Variants in ASH1L observed in about 807,000 individuals in gnomAD.
The protein encoded by ASH1L is ASH1 like histone lysine methyltransferase.
In ASH1L, 23 loss-of-function variants were observed where a neutral mutation model predicts 269.0. The ratio of observed to expected loss-of-function variants is 0.09; its 90% CI spans 0.06 to 0.12. ASH1L has a LOEUF of 0.12. Ranked by LOEUF, ASH1L falls within the 10% of genes least tolerant of loss-of-function variation. The pLI, the probability that ASH1L is intolerant of heterozygous loss-of-function variation, is 1.00. For synonymous variants in ASH1L, 1,187 were observed against 1,253.5 expected (o/e 0.95, Z 1.12); for missense variants, 2,912 against 3,567.8 (o/e 0.82, Z 4.68).
intron 3 of ASH1L, among the ~76,000 whole-genome samples, chr1:155,477,583 T>G (rs1250295177): frequency 2.0e-5 from 3 of 152,156 alleles, no homozygotes; most frequent in African/African-American, 7.2e-5. Flanking sequence ...CCATTTGTCT[T>G]TATAAAAATT....
intron 2 of ASH1L, among the ~76,000 whole-genome samples, chr1:155,487,890 C>CTT (rs755016145): frequency 2.1e-5 from 3 of 142,838 alleles, no homozygotes; most frequent in Non-Finnish European, 3.1e-5. Flanking sequence ...TGGTTTTTCA[C>CTT]TTTTTTTTTT....
intron 6 of ASH1L, among the ~76,000 whole-genome samples, chr1:155,402,043 T>C (rs1658902923): frequency 6.6e-6 from 1 of 151,660 alleles, no homozygotes; most frequent in Admixed American, 6.6e-5. Context: ...TGAGCCAAGG[T>C]TGCACCACTG....
intron 15 of ASH1L, among the ~76,000 whole-genome samples, chr1:155,356,919 T>C (rs1654445746): frequency 7.2e-6 from 1 of 139,398 alleles, no homozygotes; most frequent in African/African-American, 2.8e-5. Flanking sequence ...TGAGACCTTG[T>C]CTCTACAAAA....
At chr1:155,513,388 G>A (rs1036981472) in intron 2 of ASH1L, among the ~76,000 whole-genome samples, 3 of 151,794 alleles carry the variant, frequency 2.0e-5, no homozygotes, top group Non-Finnish European at 4.4e-5. Flanking sequence ...TGGGCAACAT[G>A]GTGAAACCCC....
chr1:155,429,609 T>G (rs1013510466), intron 5 of ASH1L, among the ~76,000 whole-genome samples: 1 of 152,168 alleles, frequency 6.6e-6, no homozygotes, highest in African/African-American at 2.4e-5. Context: ...GCTGTATTGT[T>G]TAGAGCTGCA....
intron 5 of ASH1L, among the ~76,000 whole-genome samples, chr1:155,434,943 AG>A (rs2148608175): frequency 6.6e-6 from 1 of 152,304 alleles, no homozygotes; most frequent in East Asian, 1.9e-4. Context: ...GGATCACTTG[AG>A]GTCAGGAGTT....
At chr1:155,431,654 T>TG (rs948925841) in intron 5 of ASH1L, among the ~76,000 whole-genome samples, 3 of 151,972 alleles carry the variant, frequency 2.0e-5, no homozygotes, top group African/African-American at 7.2e-5. Flanking sequence ...CCAGCCACTG[T>TG]GGGGGAGGGA....
At chr1:155,433,518 A>G in intron 5 of ASH1L, 1 of 1,610,132 alleles carries the variant, frequency 6.2e-7, no homozygotes, top group South Asian at 1.1e-5. Context: ...ACCTCCCTGG[A>G]GCCCTGCACC....
chr1:155,340,915 G>A (rs897945375), intron 25 of ASH1L, among the ~76,000 whole-genome samples: 5 of 151,640 alleles, frequency 3.3e-5, no homozygotes, highest in Non-Finnish European at 5.9e-5. Flanking sequence ...GATTACACAC[G>A]TGAGCCACCA....
intron 2 of ASH1L, among the ~76,000 whole-genome samples, chr1:155,517,774 C>T (rs1279628575): frequency 1.4e-5 from 2 of 147,868 alleles, no homozygotes; most frequent in African/African-American, 2.5e-5. Context: ...TAAACTCTCA[C>T]ATATATGGCC....
intron 4 of ASH1L, among the ~76,000 whole-genome samples, chr1:155,452,446 G>A (rs1663554362): frequency 6.6e-6 from 1 of 151,898 alleles, no homozygotes; most frequent in African/African-American, 2.4e-5. Flanking sequence ...TCAGTTATTT[G>A]TAGAACAGTT....
chr1:155,513,546 G>A, intron 2 of ASH1L, among the ~76,000 whole-genome samples: 1 of 150,402 alleles, frequency 6.6e-6, no homozygotes, highest in South Asian at 2.1e-4. Flanking sequence ...ACTCCAGCCA[G>A]GGCAACAGGA....
rs1302141448 is a variant in ASH1L, at chr1:155,336,470, T to A, written c.*1190A>T. On this transcript the variant is annotated 3_prime_UTR_variant, in exon 28 of 28. Coordinates refer to ENST00000392403, the MANE Select transcript of ASH1L (RefSeq NM_018489.3). ...TTCTCTTATAAGAACATCTAAAACA[T>A]ATATGCATATGTATGTCTGAAAAGA... The A allele has an allele frequency of 1.3e-5, 2 of 152,452 alleles. No individual in the cohort carries two copies. Among genetic ancestry groups the A allele is most frequent in the Non-Finnish European group, 2.9e-5 (2 of 67,996 alleles). 9.4% of individuals were successfully genotyped at this position (152,452 alleles called of 1,614,324 possible). A position where few individuals can be genotyped will look rare whatever the true frequency, so the allele number is the denominator to read the frequency against.
chr1:155,340,763 T>C (rs1233929660), intron 25 of ASH1L, among the ~76,000 whole-genome samples: 1 of 151,400 alleles, frequency 6.6e-6, no homozygotes, highest in Non-Finnish European at 1.5e-5. Context: ...TTTCCTCTTA[T>C]GCTTCTATAC....
chr1:155,493,857 G>C (rs1437762978), intron 2 of ASH1L, among the ~76,000 whole-genome samples: 1 of 152,084 alleles, frequency 6.6e-6, no homozygotes, highest in Non-Finnish European at 1.5e-5. Flanking sequence ...CTGGGGGATA[G>C]AGCAAGACTC....
chr1:155,373,210 C>CT (rs1656133853), intron 10 of ASH1L, among the ~76,000 whole-genome samples: 1 of 141,814 alleles, frequency 7.1e-6, no homozygotes. Context: ...GAGGCTCTGT[C>CT]TAAAAAAAAA....
intron 3 of ASH1L, among the ~76,000 whole-genome samples, chr1:155,472,322 A>G (rs1430026277): frequency 6.6e-6 from 1 of 152,118 alleles, no homozygotes; most frequent in Non-Finnish European, 1.5e-5. Flanking sequence ...TTAAAAAGAC[A>G]AATTCGTACT....
chr1:155,438,572 G>A lies in ASH1L; in HGVS notation c.5583C>T (p.Val1861=), dbSNP rs780959487. The stretch of plus-strand genomic sequence containing the variant: ...CAGCCTGGAATGCTTGCATTGATAC[G>A]ACAGCCTGAAGGGGACATTTCCGAG... The part of the protein sequence containing the change: ...GRPRKCPLQA[V]VSMQAFQAAQ... Residue 1861 remains valine (V), a synonymous_variant, in exon 5 of 28, where the codon GTC becomes GTT. Transcript: ENST00000392403. 70 of 1,613,916 alleles carry A rather than the reference G, an allele frequency of 4.3e-5. No homozygotes were observed. In the South Asian group the frequency reaches 6.5e-4, roughly 15 times the overall value.
At chr1:155,384,757 T>G (rs191114508) in intron 7 of ASH1L, among the ~76,000 whole-genome samples, 62 of 152,318 alleles carry the variant, frequency 4.1e-4, no homozygotes, top group African/African-American at 1.4e-3. Context: ...TGTTTGAGTT[T>G]ATCCTGTTCG....
Sources: allele counts gnomAD v4.1 joint callset (sites outside exome capture counted in the v4.1 genomes callset), GRCh38; gene constraint gnomAD v4.1.1; transcripts MANE v1.5; gene names NCBI Gene and HGNC (gene_info 2026-07-23, HGNC 2026-07-21).